The following RABGEF1 variants were observed in gnomAD, a reference collection of about 807,000 sequenced individuals.
RABGEF1 encodes the protein rab5 GDP/GTP exchange factor.
Under a neutral mutation model 57.3 loss-of-function variants are expected in RABGEF1, and 26 were observed. That is an observed-to-expected ratio of 0.45 (90% CI 0.33 to 0.63). RABGEF1 has a LOEUF of 0.63. Among genes scored for constraint, RABGEF1 ranks in the 20% least tolerant of loss-of-function variants. RABGEF1 has a pLI of 0.02. For synonymous variants in RABGEF1, 185 were observed against 210.7 expected, an observed-to-expected ratio of 0.88 and a Z score of 1.06; for missense variants, 464 against 607.6, an observed-to-expected ratio of 0.76 and a Z score of 2.48.
chr7:66,809,392 AT>A lies in RABGEF1; in HGVS notation c.*114del. The A allele has an allele frequency of 1.3e-6, 1 of 775,158 alleles. No homozygotes were observed. The highest frequency in any genetic ancestry group is 1.9e-6 in the Non-Finnish European group (1 of 524,046). The allele number at this position is 775,158 out of a possible 1,614,324, so 48.0% of individuals were successfully genotyped here. On this transcript the variant is annotated 3_prime_UTR_variant, in exon 9 of 9. Coordinates refer to ENST00000284957, the MANE Select transcript of RABGEF1 (RefSeq NM_014504.3). ...AACTAAATTGCTTATAAATGTCAGC[AT>A]TTTTTAAAGGTACAGTATATGGGGA...
intron 1 of RABGEF1, among the ~76,000 whole-genome samples, chr7:66,697,768 GAACA>G (rs1792575058): frequency 6.6e-6 from 1 of 152,114 alleles, no homozygotes. Flanking sequence ...GCCAGGGAGG[GAACA>G]TCACCCCATA....
At chr7:66,722,352 A>T (rs1383117765) in intron 2 of RABGEF1, among the ~76,000 whole-genome samples, 1 of 152,238 alleles carries the variant, frequency 6.6e-6, no homozygotes, top group Non-Finnish European at 1.5e-5. Flanking sequence ...AGGCAGGAGA[A>T]TCACTTGAAC....
At chr7:66,760,054 C>T (rs1803874845) in intron 1 of RABGEF1, among the ~76,000 whole-genome samples, 1 of 152,166 alleles carries the variant, frequency 6.6e-6, no homozygotes, top group South Asian at 2.1e-4. Flanking sequence ...AGTACAAGAC[C>T]TCAGTTTCTA....
rs527926306 is a variant in RABGEF1 at position 66,687,889 on chromosome 7, C to A, written c.-873+5631C>A. Among the ~76,000 whole-genome samples the A allele has an allele frequency of 2.6e-5, 4 of 152,024 alleles. No individual in the cohort carries two copies. In the South Asian group the frequency reaches 8.3e-4, roughly 32 times the overall value. Reference sequence around the variant, plus strand: ...TCCCTTGAGGTCGGGAGTTCAAGACCAGCCTGACCAACATGGAGAAACCCT... The same window carrying A: ...TCCCTTGAGGTCGGGAGTTCAAGACAAGCCTGACCAACATGGAGAAACCCT... On this transcript the variant is annotated intron_variant and NMD_transcript_variant, in intron 1 of 9. Coordinates refer to the RABGEF1 transcript ENST00000607882.
At chr7:66,771,815 C>T in intron 1 of RABGEF1, 68 bp from the exon 2 acceptor site, 1 of 1,197,926 alleles carries the variant, frequency 8.3e-7, no homozygotes, top group Admixed American at 3.2e-5. Flanking sequence ...ACTTTTTGTT[C>T]ATAATTGGTA....
At position 66,742,748 on chromosome 7, in the gene RABGEF1, A is replaced by G. The variant is rs545508599; in HGVS notation, c.-18+1956A>G. Among the ~76,000 whole-genome samples the G allele has an allele frequency of 2.5e-4, 38 of 152,294 alleles. 1 individual carries two copies. The highest frequency in any genetic ancestry group is 8.9e-4 in the African/African-American group (37 of 41,558). On this transcript the variant is annotated intron_variant, in intron 1 of 8. Transcript: ENST00000284957. ...CAGCCTCCCGAGTAGCTAAGACTGC[A>G]GATGCGTGCCACCACACCCAGCTGA... is the stretch of plus-strand genomic sequence containing the variant.
the RABGEF1 span, among the ~76,000 whole-genome samples, chr7:66,661,288 G>A: frequency 1.3e-5 from 1 of 78,882 alleles, no homozygotes; most frequent in African/African-American, 5.7e-5. Context: ...GACAAAGTGA[G>A]ACTCCATCTC....
intron 1 of RABGEF1, among the ~76,000 whole-genome samples, chr7:66,685,766 G>A (rs1790529696): frequency 1.3e-5 from 2 of 152,168 alleles, no homozygotes; most frequent in Non-Finnish European, 2.9e-5. Flanking sequence ...ATACAACTAA[G>A]ATTCTGTTTA....
chr7:66,657,690 G>A, the RABGEF1 span, among the ~76,000 whole-genome samples: 3 of 152,092 alleles, frequency 2.0e-5, no homozygotes, highest in South Asian at 2.1e-4. Flanking sequence ...GCATGGTGAT[G>A]CAGGCCTGTA....
upstream of RABGEF1, among the ~76,000 whole-genome samples, chr7:66,738,424 C>T (rs545906912): frequency 6.6e-6 from 1 of 152,310 alleles, no homozygotes; most frequent in African/African-American, 2.4e-5. Context: ...CTCTTCTGCT[C>T]AGCCCATTGA....
intron 4 of RABGEF1, among the ~76,000 whole-genome samples, chr7:66,790,500 G>T (rs183786487): frequency 5.9e-5 from 9 of 152,292 alleles, no homozygotes; most frequent in African/African-American, 2.2e-4. Context: ...CTGGTTTAGG[G>T]GAAAGAGCTG....
At chr7:66,714,935 A>C (rs559144574) in intron 2 of RABGEF1, among the ~76,000 whole-genome samples, 9 of 152,300 alleles carry the variant, frequency 5.9e-5, no homozygotes, top group African/African-American at 2.2e-4. Flanking sequence ...ACTCCGTCTC[A>C]AAAAAACAAA....
At chr7:66,774,711 T>A (rs1808076992) in intron 2 of RABGEF1, among the ~76,000 whole-genome samples, 1 of 152,250 alleles carries the variant, frequency 6.6e-6, no homozygotes, top group East Asian at 1.9e-4. Context: ...AGTGAGCTGA[T>A]ACCATGCTAT....
At chr7:66,672,734 G>C in the RABGEF1 span, among the ~76,000 whole-genome samples, 2 of 152,250 alleles carry the variant, frequency 1.3e-5, no homozygotes, top group African/African-American at 4.8e-5. Flanking sequence ...CTACATCTCT[G>C]TGCTGGCCTC....
chr7:66,723,876 G>A (rs1055378576), intron 2 of RABGEF1, among the ~76,000 whole-genome samples: 1 of 151,976 alleles, frequency 6.6e-6, no homozygotes, highest in Non-Finnish European at 1.5e-5. Context: ...CACCATGCCT[G>A]GCCAATTATC....
rs538412508 is a variant in RABGEF1, at chr7:66,772,646, C to T, written c.179+568C>T. ...ACGATGGGCCGGGCGCAGTGGCTCACGCCTGTAATCCTAGCACTTTGGGAG... is the reference window on the plus strand; with the variant it reads ...ACGATGGGCCGGGCGCAGTGGCTCATGCCTGTAATCCTAGCACTTTGGGAG... On this transcript the variant is annotated intron_variant, in intron 2 of 8. Transcript: ENST00000284957. Among the ~76,000 whole-genome samples the T allele has an allele frequency of 3.9e-5, 6 of 152,184 alleles. No individual in the cohort carries two copies. The East Asian group carries it at 7.7e-4, about 20-fold the overall frequency.
chr7:66,734,397 TGTTTCCTC>T (rs931470321), intron 2 of RABGEF1, among the ~76,000 whole-genome samples: 42 of 152,296 alleles, frequency 2.8e-4, no homozygotes, highest in African/African-American at 8.9e-4. Flanking sequence ...TTTGAGCCTC[TGTTTCCTC>T]GTCTATGAAG....
At chr7:66,691,015 G>A (rs561718170) in intron 1 of RABGEF1, among the ~76,000 whole-genome samples, 16 of 152,126 alleles carry the variant, frequency 1.1e-4, no homozygotes, top group African/African-American at 3.4e-4. Context: ...CGCCGGAACC[G>A]GGGAGGCAGG....
intron 1 of RABGEF1, among the ~76,000 whole-genome samples, chr7:66,741,784 G>A (rs1799015506): frequency 6.6e-6 from 1 of 151,966 alleles, no homozygotes; most frequent in Non-Finnish European, 1.5e-5. Context: ...CTCCCGCCTC[G>A]GCCTCCCAGA....
Sources: gnomAD v4.1 joint callset for allele counts (sites outside exome capture counted in the v4.1 genomes callset) on GRCh38, gnomAD v4.1.1 for gene constraint, MANE v1.5 for transcripts, NCBI Gene and HGNC (gene_info 2026-07-23, HGNC 2026-07-21) for gene names.